DNAL1: variants seen among roughly 807,000 people sequenced by gnomAD.
DNAL1 encodes the protein chromosome 14 open reading frame 168.
DNAL1 carries 17 observed loss-of-function variants against 29.4 expected under a neutral mutation model. The observed-to-expected ratio is 0.58, with a 90% confidence interval of 0.40 to 0.87. The LOEUF (loss-of-function observed/expected upper bound fraction) is 0.87, where lower values mean the gene tolerates loss of function less well. Ranked by LOEUF, DNAL1 falls within the 40% of genes least tolerant of loss-of-function variation. The pLI is 0.00. For missense variants in DNAL1, 188 were observed against 214.1 expected, an observed-to-expected ratio of 0.88 and a Z score of 0.76; for synonymous variants, 78 against 76.3, an observed-to-expected ratio of 1.02 and a Z score of -0.12.
At position 73,689,452 on chromosome 14, in the gene DNAL1, T is replaced by A. The variant is rs776888880; in HGVS notation, c.469T>A (p.Ser157Thr). The A allele has an allele frequency of 6.4e-7, 1 of 1,568,306 alleles. No individual in the cohort carries two copies. The highest frequency in any genetic ancestry group is 8.6e-7 in the Non-Finnish European group (1 of 1,156,218). The change falls in exon 7 of 8, where the codon TCT becomes ACT. Residue 157 changes from serine (S) to threonine (T), a missense_variant. Ser to Thr is a moderately conservative substitution (Grantham distance 58, BLOSUM62 1). Coordinates refer to ENST00000553645, the MANE Select transcript of DNAL1 (RefSeq NM_031427.4). ...FVGNPLEEKH[S>T]AENNWIEEAT... ...AGGCAATCCCTTGGAAGAGAAACAT[T>A]CTGCTGAGAATAACTGGATTGAAGA...
chr14:73,692,196 T>G (rs931401314), intron 7 of DNAL1, among the ~76,000 whole-genome samples: 8 of 151,944 alleles, frequency 5.3e-5, no homozygotes, highest in Non-Finnish European at 4.4e-5. Context: ...AAGAATAAAA[T>G]AGAGGCCGGG....
Position 73,696,024 on chromosome 14 carries a change from G to T in DNAL1, c.*82G>T. Reference sequence around the variant, plus strand: ...ATTTTATATAATTGTCTATTTTAAAGATTCTGTATGGGACAAAAGTTTCTT... The same window carrying T: ...ATTTTATATAATTGTCTATTTTAAATATTCTGTATGGGACAAAAGTTTCTT... On this transcript the variant is annotated 3_prime_UTR_variant, in exon 8 of 8. Coordinates refer to ENST00000553645, the MANE Select transcript of DNAL1 (RefSeq NM_031427.4). 1 of 1,292,954 alleles carries T rather than the reference G, an allele frequency of 7.7e-7. No homozygotes were observed. Among genetic ancestry groups the T allele is most frequent in the Admixed American group, 2.3e-5 (1 of 43,938 alleles). The allele number at this position is 1,292,954 out of a possible 1,614,324, so 80.1% of individuals were successfully genotyped here.
Position 73,667,723 on chromosome 14 carries a change from A to G in DNAL1, c.209-3819A>G, listed in dbSNP as rs191823252. ...CCCCATGTTGCCCAGGCTGGTCTCGAATTGCTGGGCTCAAGCAATCTGCCT... is the reference window on the plus strand; with the variant it reads ...CCCCATGTTGCCCAGGCTGGTCTCGGATTGCTGGGCTCAAGCAATCTGCCT... On this transcript the variant is annotated intron_variant, in intron 4 of 7. Transcript: ENST00000553645. Among the ~76,000 whole-genome samples the G allele has an allele frequency of 5.4e-4, 82 of 152,134 alleles. 1 individual carries two copies. Among genetic ancestry groups the G allele is most frequent in the Admixed American group, 4.3e-3 (65 of 15,284 alleles).
At chr14:73,650,342 G>A (rs1311704984) in intron 1 of DNAL1, among the ~76,000 whole-genome samples, 1 of 151,936 alleles carries the variant, frequency 6.6e-6, no homozygotes, top group East Asian at 1.9e-4. Flanking sequence ...ACTTTTTAGT[G>A]GATTTTTTTC....
intron 7 of DNAL1, among the ~76,000 whole-genome samples, chr14:73,694,851 AG>A (rs1414968640): frequency 6.6e-6 from 1 of 151,804 alleles, no homozygotes; most frequent in Non-Finnish European, 1.5e-5. Flanking sequence ...CACAACAGCC[AG>A]CCAATTTTGT....
chr14:73,655,490 C>T (rs1003967691), intron 2 of DNAL1, among the ~76,000 whole-genome samples: 13 of 151,578 alleles, frequency 8.6e-5, no homozygotes, highest in Middle Eastern at 6.8e-3. Context: ...ATTACAGGCA[C>T]GCGCCACAAT....
At chr14:73,669,987 AC>A (rs1891580058) in intron 4 of DNAL1, among the ~76,000 whole-genome samples, 1 of 92,130 alleles carries the variant, frequency 1.1e-5, no homozygotes, top group South Asian at 2.6e-4. Flanking sequence ...ACACACATAC[AC>A]ACACACACAC....
intron 5 of DNAL1, among the ~76,000 whole-genome samples, chr14:73,677,383 T>C (rs1221619081): frequency 6.6e-6 from 1 of 151,474 alleles, no homozygotes; most frequent in East Asian, 1.9e-4. Flanking sequence ...TTGTCCAGGC[T>C]GAACTCAAAC....
intron 5 of DNAL1, among the ~76,000 whole-genome samples, chr14:73,683,027 T>C (rs62004931): frequency 0.24 from 35,859 of 151,764 alleles, 5,198 homozygotes; most frequent in Non-Finnish European, 0.33. Context: ...GAGGCGTGCA[T>C]CACCACGCCC....
rs1486298029 is a variant in DNAL1, at chr14:73,697,371, A to G, written c.*1429A>G. On this transcript the variant is annotated 3_prime_UTR_variant, in exon 8 of 8. Transcript: ENST00000553645. ...TCCTGGGTTTCAGAAGATTTCAGCT[A>G]TCATTTACATAGGAATTACTTGATT... 1.3e-5 allele frequency: 2 copies of G among 152,214 alleles called. No homozygotes were observed. Among genetic ancestry groups the G allele is most frequent in the Admixed American group, 6.5e-5 (1 of 15,280 alleles). The allele number at this position is 152,214 out of a possible 1,614,324, so 9.4% of individuals were successfully genotyped here.
In DNAL1 at chr14:73,696,144, AT is replaced by A; in HGVS notation, c.*205del. ...TGGTAATGCCAACCTTATATATCCT[AT>A]TTCTCTTTTTAGAAACCACAAATTT... is the stretch of plus-strand genomic sequence containing the variant. On this transcript the variant is annotated 3_prime_UTR_variant, in exon 8 of 8. Coordinates refer to ENST00000553645, the MANE Select transcript of DNAL1 (RefSeq NM_031427.4). 1 of 515,722 alleles carries A rather than the reference AT, an allele frequency of 1.9e-6. No individual in the cohort carries two copies. Among genetic ancestry groups the A allele is most frequent in the South Asian group, 3.6e-5 (1 of 27,962 alleles). The allele number at this position is 515,722 out of a possible 1,614,324, so 31.9% of individuals were successfully genotyped here.
intron 4 of DNAL1, among the ~76,000 whole-genome samples, chr14:73,666,827 C>T (rs981905238): frequency 1.3e-5 from 2 of 152,146 alleles, no homozygotes; most frequent in African/African-American, 4.8e-5. Context: ...CTCTTTAAAG[C>T]ATTTTCAGTA....
chr14:73,698,951 G>A lies in DNAL1; in HGVS notation c.*3009G>A, dbSNP rs542911131. 2 of 152,292 alleles carry A rather than the reference G, an allele frequency of 1.3e-5. No homozygotes were observed. The highest frequency in any genetic ancestry group is 4.1e-4 in the South Asian group (2 of 4,830). 9.4% of individuals were successfully genotyped at this position (152,292 alleles called of 1,614,324 possible). On this transcript the variant is annotated 3_prime_UTR_variant, in exon 8 of 8. Coordinates refer to ENST00000553645, the MANE Select transcript of DNAL1 (RefSeq NM_031427.4). ...TAAGAATTTGTTCCTTTAAACCAGA[G>A]GATCAACCTTGGAACTATTAACATT... is the stretch of plus-strand genomic sequence containing the variant.
At chr14:73,663,592 T>G (rs1382450220) in intron 4 of DNAL1, among the ~76,000 whole-genome samples, 1 of 152,196 alleles carries the variant, frequency 6.6e-6, no homozygotes, top group Non-Finnish European at 1.5e-5. Flanking sequence ...ACCTATTAAT[T>G]TAGGCTCATG....
Position 73,698,500 on chromosome 14 carries a change from A to C in DNAL1, c.*2558A>C, listed in dbSNP as rs1427371283. Reference sequence around the variant, plus strand: ...AGACATTACGCCATTTTAGTGGATCATTTAAATTTTTTCTATTCTGTTTTT... The same window carrying C: ...AGACATTACGCCATTTTAGTGGATCCTTTAAATTTTTTCTATTCTGTTTTT... On this transcript the variant is annotated 3_prime_UTR_variant, in exon 8 of 8. Coordinates refer to ENST00000553645, the MANE Select transcript of DNAL1 (RefSeq NM_031427.4). The C allele has an allele frequency of 4.6e-5, 7 of 152,080 alleles. No homozygotes were observed. In the East Asian group the frequency reaches 1.4e-3, roughly 29 times the overall value. The allele number at this position is 152,080 out of a possible 1,614,324, so 9.4% of individuals were successfully genotyped here.
intron 1 of DNAL1, among the ~76,000 whole-genome samples, chr14:73,652,466 A>G (rs1891133183): frequency 1.3e-5 from 2 of 151,700 alleles, no homozygotes; most frequent in Non-Finnish European, 1.5e-5. Flanking sequence ...TGTAGAGACA[A>G]AGTCTCACTG....
intron 4 of DNAL1, among the ~76,000 whole-genome samples, chr14:73,667,408 C>T (rs981077153): frequency 6.6e-6 from 1 of 152,070 alleles, no homozygotes; most frequent in Non-Finnish European, 1.5e-5. Context: ...GGATTACAGG[C>T]ATGAGCCACA....
chr14:73,665,704 T>G (rs1248207156), intron 4 of DNAL1, among the ~76,000 whole-genome samples: 1 of 151,378 alleles, frequency 6.6e-6, no homozygotes, highest in Non-Finnish European at 1.5e-5. Flanking sequence ...GGCAGGAGAA[T>G]AGCTGGAACC....
In DNAL1 at chr14:73,681,633, A is replaced by AATATAT. The variant is rs71112793; in HGVS notation, c.265-5609_265-5604dup. Among the ~76,000 whole-genome samples the AATATAT allele has an allele frequency of 0.023, 825 of 35,120 alleles. 38 individuals carry two copies. In the East Asian group the frequency reaches 0.32, roughly 14 times the overall value. 23.0% of individuals were successfully genotyped at this position (35,120 alleles called of 152,430 possible). A position where few individuals can be genotyped will look rare whatever the true frequency, so the allele number is the denominator to read the frequency against. Reference sequence around the variant, plus strand: ...AAAAAAAAAAAAAAAAAAAAAAAAAAATATATATATATATATATATATTAG... The same window carrying AATATAT: ...AAAAAAAAAAAAAAAAAAAAAAAAAAATATATATATATATATATATATATATATTAG... On this transcript the variant is annotated intron_variant, in intron 5 of 7. Transcript: ENST00000553645.
Sources: gnomAD v4.1 joint callset for allele counts (sites outside exome capture counted in the v4.1 genomes callset) on GRCh38, gnomAD v4.1.1 for gene constraint, MANE v1.5 for transcripts, NCBI Gene and HGNC (gene_info 2026-07-23, HGNC 2026-07-21) for gene names.